Variants in ARFGEF1 observed in about 807,000 individuals in gnomAD.
ARFGEF1 encodes ARF guanine nucleotide exchange factor 1.
A neutral mutation model predicts 231.0 loss-of-function variants in ARFGEF1; 42 were observed. The observed-to-expected ratio is 0.18, with a 90% CI of 0.14 to 0.24. The LOEUF (loss-of-function observed/expected upper bound fraction) is 0.24. Among genes scored for constraint, ARFGEF1 ranks in the 10% least tolerant of loss-of-function variants. The pLI, the probability that ARFGEF1 is intolerant of heterozygous loss-of-function variation, is 1.00. For missense variants in ARFGEF1, 1,345 were observed against 2,192.0 expected (o/e 0.61, Z 7.72); for synonymous variants, 710 against 732.3 (o/e 0.97, Z 0.49).
intron 7 of ARFGEF1, among the ~76,000 whole-genome samples, chr8:67,284,429 A>G (rs1805665384): frequency 6.6e-6 from 1 of 152,216 alleles, no homozygotes; most frequent in African/African-American, 2.4e-5. Context: ...CTTTTATGTA[A>G]TTTTGACTTT....
At chr8:67,199,811 G>T (rs939700834) in intron 38 of ARFGEF1, 1 of 167,570 alleles carries the variant, frequency 6.0e-6, no homozygotes, top group African/African-American at 2.4e-5. Flanking sequence ...TGTGTGAGCT[G>T]TAAGTTGCTA....
At chr8:67,271,114 T>A (rs997491369) in intron 10 of ARFGEF1, among the ~76,000 whole-genome samples, 7 of 146,024 alleles carry the variant, frequency 4.8e-5, no homozygotes, top group Non-Finnish European at 9.1e-5. Context: ...AAAACATCCC[T>A]AATTTAGTTC....
intron 29 of ARFGEF1, among the ~76,000 whole-genome samples, chr8:67,221,587 G>A (rs568970169): frequency 1.3e-5 from 2 of 152,056 alleles, no homozygotes; most frequent in Non-Finnish European, 2.9e-5. Context: ...TAAGAGTCAA[G>A]TTTTTTAAAA....
intron 28 of ARFGEF1, among the ~76,000 whole-genome samples, chr8:67,225,396 T>C (rs1839336932): frequency 6.6e-6 from 1 of 152,162 alleles, no homozygotes; most frequent in Non-Finnish European, 1.5e-5. Flanking sequence ...GAAGGTGAAA[T>C]GAGTTGACGT....
intron 19 of ARFGEF1, 135 bp downstream of exon 19, chr8:67,251,164 T>C: frequency 1.2e-6 from 1 of 801,694 alleles, no homozygotes; most frequent in East Asian, 3.2e-5. Flanking sequence ...CTAAATAACA[T>C]GTTATATGAA....
In ARFGEF1 at chr8:67,216,621, G is replaced by A. The variant is rs142098461; in HGVS notation, c.4655C>T (p.Pro1552Leu). ...WRPNSGETAPPPPSPVSEKPL... is the reference protein window; with the variant it reads ...WRPNSGETAPLPPSPVSEKPL... ...CTTTTCACTTACAGGAGATGGAGGT[G>A]GGGGGGCAGTTTCTCCAGAATTGGG... The change falls in exon 33 of 39, where the codon CCA (proline) becomes CTA (leucine). Residue 1552 changes from proline (P) to leucine (L), a missense_variant. By Grantham distance (98) the Pro-to-Leu change is moderately conservative. This residue lies in a region of ARFGEF1 where 89 missense variants were observed against 74.8 expected (regional missense o/e 1.19). Coordinates refer to ENST00000262215, the MANE Select transcript of ARFGEF1 (RefSeq NM_006421.5). 2 of 1,604,988 alleles carry A rather than the reference G, an allele frequency of 1.2e-6. No individual in the cohort carries two copies. Among genetic ancestry groups the A allele is most frequent in the East Asian group, 2.3e-5 (1 of 44,258 alleles).
chr8:67,247,735 A>T (rs1276976495), intron 19 of ARFGEF1, among the ~76,000 whole-genome samples: 1 of 150,554 alleles, frequency 6.6e-6, no homozygotes, highest in African/African-American at 2.5e-5. Flanking sequence ...AAGAGAAAGA[A>T]ATAAAAGACA....
At chr8:67,335,701 G>C (rs1418339484) in intron 1 of ARFGEF1, among the ~76,000 whole-genome samples, 2 of 151,954 alleles carry the variant, frequency 1.3e-5, no homozygotes, top group Admixed American at 6.6e-5. Context: ...GCCTCACATG[G>C]CGTTTCCTAA....
chr8:67,179,818 T>A, intron 5 of ARFGEF1: 2 of 1,351,862 alleles, frequency 1.5e-6, no homozygotes, highest in African/African-American at 2.9e-5. Context: ...GTTGTTTTTG[T>A]ACACAAAACT....
At chr8:67,299,125 C>A in intron 4 of ARFGEF1, 84 bp downstream of exon 4, 2 of 1,254,100 alleles carry the variant, frequency 1.6e-6, no homozygotes, top group Non-Finnish European at 1.1e-6. Context: ...ATAAAATGAT[C>A]TTTCCTAATG....
intron 7 of ARFGEF1, 80 bp from the exon 8 acceptor site, chr8:67,277,537 T>A (rs1013534914): frequency 1.2e-4 from 155 of 1,333,260 alleles, no homozygotes; most frequent in Non-Finnish European, 1.6e-4. Context: ...GTATTTAAAA[T>A]GAAACAGTGG....
chr8:67,275,467 C>T (rs974556808), intron 9 of ARFGEF1, among the ~76,000 whole-genome samples: 1 of 152,042 alleles, frequency 6.6e-6, no homozygotes, highest in South Asian at 2.1e-4. Context: ...TTTTGTCAGA[C>T]CTTAATGAAT....
chr8:67,267,497 A>T, intron 10 of ARFGEF1, 55 bp from the exon 11 acceptor site: 1 of 1,197,250 alleles, frequency 8.4e-7, no homozygotes, highest in African/African-American at 1.5e-5. Flanking sequence ...CATATGTGTG[A>T]TCACTTTTTA....
chr8:67,282,524 A>AT (rs1383793487), intron 7 of ARFGEF1, among the ~76,000 whole-genome samples: 2 of 152,106 alleles, frequency 1.3e-5, no homozygotes, highest in African/African-American at 2.4e-5. Flanking sequence ...AATCTTAAAA[A>AT]TTTTTTTTGT....
intron 38 of ARFGEF1, 197 bp from the exon 39 acceptor site, chr8:67,199,295 A>G (rs1838228021): frequency 9.6e-6 from 5 of 523,258 alleles, no homozygotes; most frequent in Non-Finnish European, 1.6e-5. Flanking sequence ...ATTCACTTAC[A>G]TATCCTTATT....
chr8:67,186,355 T>G (rs1218798005), intron 5 of ARFGEF1, among the ~76,000 whole-genome samples: 1 of 150,858 alleles, frequency 6.6e-6, no homozygotes, highest in Non-Finnish European at 1.5e-5. Flanking sequence ...GTAGTGGTGG[T>G]CAGACATGGA....
chr8:67,299,148 A>C, intron 4 of ARFGEF1, 61 bp downstream of exon 4: 1 of 1,375,010 alleles, frequency 7.3e-7, no homozygotes, highest in East Asian at 2.5e-5. Context: ...TTAAGGTGAA[A>C]GGCATCTGAA....
intron 1 of ARFGEF1, among the ~76,000 whole-genome samples, chr8:67,302,903 T>A: frequency 1.0e-5 from 1 of 96,642 alleles, no homozygotes; most frequent in South Asian, 4.0e-4. Flanking sequence ...AGACCCCATC[T>A]CTTAAAAAAA....
chr8:67,196,524 TTC>T (rs982531297), downstream of ARFGEF1, among the ~76,000 whole-genome samples: 7 of 152,324 alleles, frequency 4.6e-5, no homozygotes, highest in East Asian at 1.3e-3. Flanking sequence ...CAGGCACTGC[TTC>T]TCTCTCTAAT....
Sources: gnomAD v4.1 joint callset for allele counts (sites outside exome capture counted in the v4.1 genomes callset) on GRCh38, gnomAD v4.1.1 for gene constraint, gnomAD v4.1.1 regional missense constraint, MANE v1.5 for transcripts, NCBI Gene and HGNC (gene_info 2026-07-23, HGNC 2026-07-21) for gene names.